FOXN3: variants seen among roughly 807,000 people sequenced by gnomAD.
FOXN3 encodes the protein forkhead box N3.
FOXN3 carries 7 observed loss-of-function variants against 38.4 expected under a neutral mutation model. The observed-to-expected ratio is 0.18, with a 90% CI of 0.10 to 0.34. The LOEUF (loss-of-function observed/expected upper bound fraction) is 0.34. Among genes scored for constraint, FOXN3 ranks in the 10% least tolerant of loss-of-function variants. The probability of loss-of-function intolerance (pLI) is 1.00; values close to 1 mark genes in which losing one functional copy is unlikely to be tolerated. For missense variants in FOXN3, 456 were observed against 613.4 expected (o/e 0.74, Z 2.71); for synonymous variants, 230 against 242.2 (o/e 0.95, Z 0.47).
At chr14:89,195,765 G>T (rs1233372251) in intron 4 of FOXN3, among the ~76,000 whole-genome samples, 1 of 152,224 alleles carries the variant, frequency 6.6e-6, no homozygotes, top group Non-Finnish European at 1.5e-5. Context: ...GGGGAATGAA[G>T]TGAGACAGGG....
At position 89,560,694 on chromosome 14, in the gene FOXN3, G is replaced by C. The variant is rs558146967; in HGVS notation, c.-15+58334C>G. On this transcript the variant is annotated intron_variant, in intron 1 of 6. Transcript: ENST00000345097. The stretch of plus-strand genomic sequence containing the variant: ...GCTTTCCAAAGATTTAGGCTTTGTT[G>C]TCTCTGAGGATATTCAAAAGAAAAG... Among the ~76,000 whole-genome samples, 3 of 152,280 alleles carry C rather than the reference G, an allele frequency of 2.0e-5. No individual in the cohort carries two copies. The South Asian group carries it at 6.2e-4, about 32-fold the overall frequency.
chr14:89,429,725 C>CGGCTGAACAGAA (rs1892117559), intron 1 of FOXN3, among the ~76,000 whole-genome samples: 1 of 152,112 alleles, frequency 6.6e-6, no homozygotes, highest in Non-Finnish European at 1.5e-5. Flanking sequence ...TTTTGCTCCG[C>CGGCTGAACAGAA]GGCTGAACAG....
intron 4 of FOXN3, among the ~76,000 whole-genome samples, chr14:89,265,202 G>A (rs527378185): frequency 3.9e-4 from 59 of 152,262 alleles, no homozygotes; most frequent in African/African-American, 1.4e-3. Context: ...CATCTTTAGC[G>A]ATTTTTAAAA....
chr14:89,421,868 A>G (rs76669036), upstream of FOXN3, among the ~76,000 whole-genome samples: 3,966 of 151,610 alleles, frequency 0.026, 191 homozygotes, highest in African/African-American at 0.092. Flanking sequence ...CACCCATTAC[A>G]TATATACATA....
At chr14:89,518,749 G>A (rs1386894411) in intron 1 of FOXN3, among the ~76,000 whole-genome samples, 2 of 152,198 alleles carry the variant, frequency 1.3e-5, no homozygotes, top group Admixed American at 1.3e-4. Flanking sequence ...TGCTGTGGTG[G>A]CTCATGCCTG....
Position 89,157,183 on chromosome 14 carries a change from T to C in FOXN3, c.*5231A>G, listed in dbSNP as rs1886999676. The C allele has an allele frequency of 6.6e-6, 1 of 152,660 alleles. No homozygotes were observed. Among genetic ancestry groups the C allele is most frequent in the Non-Finnish European group, 1.5e-5 (1 of 68,040 alleles). 9.5% of individuals were successfully genotyped at this position (152,660 alleles called of 1,614,324 possible). ...CTCACGGTTAAGTCAGAAATGATCGTTCACACACGTCTGATTTCAGAAGTA... is the reference window on the plus strand; with the variant it reads ...CTCACGGTTAAGTCAGAAATGATCGCTCACACACGTCTGATTTCAGAAGTA... On this transcript the variant is annotated 3_prime_UTR_variant, in exon 6 of 6. Coordinates refer to ENST00000557258, the MANE Select transcript of FOXN3 (RefSeq NM_005197.4).
intron 2 of FOXN3, among the ~76,000 whole-genome samples, chr14:89,393,128 A>G (rs1041447888): frequency 6.6e-6 from 1 of 151,870 alleles, no homozygotes; most frequent in Non-Finnish European, 1.5e-5. Flanking sequence ...TTTAGTAGAG[A>G]TGGGGTTTCA....
chr14:89,323,266 C>T (rs536016440), intron 3 of FOXN3, among the ~76,000 whole-genome samples: 8 of 132,852 alleles, frequency 6.0e-5, no homozygotes, highest in East Asian at 4.4e-4. Flanking sequence ...CCAGCATGGG[C>T]GACAGAGCGA....
chr14:89,612,387 T>C (rs1263567811), intron 1 of FOXN3, among the ~76,000 whole-genome samples: 1 of 152,150 alleles, frequency 6.6e-6, no homozygotes. Flanking sequence ...AGAAAAAACA[T>C]GATGGTCTTA....
intron 4 of FOXN3, among the ~76,000 whole-genome samples, chr14:89,254,930 G>C (rs1163049775): frequency 1.3e-5 from 2 of 152,214 alleles, no homozygotes; most frequent in Admixed American, 1.3e-4. Flanking sequence ...GCACTTAGCA[G>C]AGATCTGCAG....
intron 1 of FOXN3, among the ~76,000 whole-genome samples, chr14:89,513,803 G>T (rs1243589091): frequency 1.3e-5 from 2 of 151,836 alleles, no homozygotes; most frequent in Non-Finnish European, 2.9e-5. Flanking sequence ...CTCCATGTTG[G>T]TCAGACTAGC....
chr14:89,406,996 A>G (rs1891404613), intron 2 of FOXN3, among the ~76,000 whole-genome samples: 1 of 81,822 alleles, frequency 1.2e-5, no homozygotes, highest in Non-Finnish European at 2.5e-5. Flanking sequence ...CATAGACGAA[A>G]TGAAAAAAAA....
At chr14:89,258,429 T>C (rs561393263) in intron 4 of FOXN3, among the ~76,000 whole-genome samples, 1 of 152,170 alleles carries the variant, frequency 6.6e-6, no homozygotes, top group South Asian at 2.1e-4. Flanking sequence ...ATGACGATGA[T>C]GATGATGCCA....
intron 2 of FOXN3, among the ~76,000 whole-genome samples, chr14:89,401,217 G>T (rs978176156): frequency 6.6e-6 from 1 of 150,986 alleles, no homozygotes; most frequent in African/African-American, 2.4e-5. Context: ...TGAGGCGGGC[G>T]GATCACCTGA....
At chr14:89,452,469 G>A (rs999691041) in intron 1 of FOXN3, among the ~76,000 whole-genome samples, 8 of 152,334 alleles carry the variant, frequency 5.3e-5, no homozygotes, top group African/African-American at 1.7e-4. Context: ...GGACACAGGA[G>A]GTGCAGGCTC....
At chr14:89,584,273 T>C (rs567599948) in intron 1 of FOXN3, among the ~76,000 whole-genome samples, 7 of 152,064 alleles carry the variant, frequency 4.6e-5, no homozygotes, top group Non-Finnish European at 8.8e-5. Context: ...TGGTGGTGTG[T>C]GCCTATAGCC....
At chr14:89,509,752 G>A (rs921902387) in intron 1 of FOXN3, among the ~76,000 whole-genome samples, 1 of 152,238 alleles carries the variant, frequency 6.6e-6, no homozygotes, top group Non-Finnish European at 1.5e-5. Flanking sequence ...GCTGAATGAA[G>A]AAAGAGTTTA....
intron 1 of FOXN3, among the ~76,000 whole-genome samples, chr14:89,565,784 T>C (rs1188530486): frequency 6.6e-6 from 1 of 152,230 alleles, no homozygotes; most frequent in South Asian, 2.1e-4. Context: ...ATATGCCACA[T>C]AATCATTCCA....
At chr14:89,313,393 T>C (rs554033427) in intron 3 of FOXN3, among the ~76,000 whole-genome samples, 1 of 152,116 alleles carries the variant, frequency 6.6e-6, no homozygotes, top group South Asian at 2.1e-4. Flanking sequence ...ACCCCTTCTC[T>C]CCTAAAATAC....
Sources: allele counts gnomAD v4.1 joint callset (sites outside exome capture counted in the v4.1 genomes callset), GRCh38; gene constraint gnomAD v4.1.1; transcripts MANE v1.5; gene names NCBI Gene and HGNC (gene_info 2026-07-23, HGNC 2026-07-21).